Variants in EEFSEC observed in about 807,000 individuals in gnomAD.
EEFSEC encodes the protein selenocysteine-specific elongation factor.
Under a neutral mutation model 42.1 loss-of-function variants are expected in EEFSEC, and 43 were observed. The ratio of observed to expected loss-of-function variants is 1.02; its 90% CI spans 0.80 to 1.32. The LOEUF is 1.32. EEFSEC is among the 40% of genes most tolerant of loss of function. The pLI is 0.00. For synonymous variants in EEFSEC, 354 were observed against 339.1 expected (o/e 1.04, Z -0.48); for missense variants, 745 against 803.6 (o/e 0.93, Z 0.88).
intron 2 of EEFSEC, among the ~76,000 whole-genome samples, chr3:128,254,341 G>A (rs1483259316): frequency 3.3e-5 from 5 of 152,186 alleles, no homozygotes; most frequent in Non-Finnish European, 7.3e-5. Context: ...CATCATCTGT[G>A]GCTGTTGTGC....
At chr3:128,246,360 C>T (rs1242140261) in intron 1 of EEFSEC, among the ~76,000 whole-genome samples, 1 of 152,212 alleles carries the variant, frequency 6.6e-6, no homozygotes, top group Non-Finnish European at 1.5e-5. Context: ...AGATGCTGTC[C>T]ACTCCCTAAT....
At position 128,153,662 on chromosome 3, in the gene EEFSEC, G is replaced by T. The variant is rs748787702; in HGVS notation, c.155G>T (p.Gly52Val). The T allele has an allele frequency of 6.3e-7, 1 of 1,597,522 alleles. No individual in the cohort carries two copies. The highest frequency in any genetic ancestry group is 1.7e-5 in the Admixed American group (1 of 59,796). Residue 52 changes from glycine to valine, a missense_variant, in exon 1 of 7, where the codon GGC becomes GTC. Transcript: ENST00000254730. ...GAGCGCGGCATCACGCTCGATCTGG[G>T]CTTCTCGTGCTTCTCGGTGCCGCTG... is the stretch of plus-strand genomic sequence containing the variant. ...SRERGITLDL[G>V]FSCFSVPLPA...
intron 4 of EEFSEC, among the ~76,000 whole-genome samples, chr3:128,306,676 A>G (rs899418726): frequency 6.6e-6 from 1 of 152,242 alleles, no homozygotes; most frequent in Non-Finnish European, 1.5e-5. Context: ...TGGGTAGTTG[A>G]AAGTACCTAT....
At chr3:128,406,637 C>T (rs2068117079) in intron 6 of EEFSEC, among the ~76,000 whole-genome samples, 1 of 151,722 alleles carries the variant, frequency 6.6e-6, no homozygotes, top group South Asian at 2.1e-4. Context: ...ATGGCAAAAC[C>T]CCATCTCCAC....
intron 1 of EEFSEC, among the ~76,000 whole-genome samples, chr3:128,204,613 A>AAATAC (rs1187861398): frequency 6.6e-6 from 1 of 152,100 alleles, no homozygotes; most frequent in Non-Finnish European, 1.5e-5. Flanking sequence ...TCTTATTAAC[A>AAATAC]AATACGATGC....
At chr3:128,185,136 A>G (rs1394041290) in intron 1 of EEFSEC, among the ~76,000 whole-genome samples, 2 of 152,116 alleles carry the variant, frequency 1.3e-5, no homozygotes, top group African/African-American at 4.8e-5. Context: ...TGGATGCAAA[A>G]CCCCATCTGA....
chr3:128,185,319 A>C (rs1364886422), intron 1 of EEFSEC, among the ~76,000 whole-genome samples: 1 of 147,822 alleles, frequency 6.8e-6, no homozygotes, highest in African/African-American at 2.4e-5. Context: ...ATAACTTAAT[A>C]TTATGAAGCA....
At chr3:128,418,057 G>A in the EEFSEC span, among the ~76,000 whole-genome samples, 6 of 152,010 alleles carry the variant, frequency 3.9e-5, no homozygotes, top group South Asian at 2.1e-4. Flanking sequence ...CCCTTACCTC[G>A]GCATTCTGGA....
intron 1 of EEFSEC, among the ~76,000 whole-genome samples, chr3:128,217,530 TC>T (rs1398105397): frequency 6.6e-6 from 1 of 152,208 alleles, no homozygotes; most frequent in Non-Finnish European, 1.5e-5. Context: ...TTTAATGTGT[TC>T]ACGTGCACCT....
chr3:128,333,702 T>C (rs538455359), intron 4 of EEFSEC, among the ~76,000 whole-genome samples: 1 of 152,288 alleles, frequency 6.6e-6, no homozygotes, highest in East Asian at 1.9e-4. Flanking sequence ...GTGCCTACTA[T>C]TTCATGCAAG....
intron 4 of EEFSEC, among the ~76,000 whole-genome samples, chr3:128,334,220 C>T (rs752165134): frequency 2.0e-5 from 3 of 152,238 alleles, no homozygotes; most frequent in Non-Finnish European, 2.9e-5. Flanking sequence ...AAAGGGGGCT[C>T]ATCTTACTTG....
chr3:128,394,087 T>C (rs2067950340), intron 6 of EEFSEC, among the ~76,000 whole-genome samples: 1 of 152,214 alleles, frequency 6.6e-6, no homozygotes, highest in African/African-American at 2.4e-5. Flanking sequence ...AGGCCACCTC[T>C]GGGATCTGCC....
intron 5 of EEFSEC, among the ~76,000 whole-genome samples, chr3:128,354,610 G>T (rs1472726370): frequency 3.3e-5 from 5 of 152,164 alleles, no homozygotes; most frequent in Non-Finnish European, 5.9e-5. Context: ...TAACTTTGGG[G>T]TCATCTCTGT....
chr3:128,387,321 T>C (rs1258725899), intron 6 of EEFSEC, among the ~76,000 whole-genome samples: 1 of 152,210 alleles, frequency 6.6e-6, no homozygotes, highest in Non-Finnish European at 1.5e-5. Context: ...AATATCCACA[T>C]GTCCTGGCAG....
At chr3:128,263,957 C>A (rs2066324952) in intron 3 of EEFSEC, among the ~76,000 whole-genome samples, 1 of 152,158 alleles carries the variant, frequency 6.6e-6, no homozygotes, top group Admixed American at 6.5e-5. Context: ...GGCATGATGC[C>A]AGCTACTGGA....
At chr3:128,282,851 C>T (rs1214493683) in intron 4 of EEFSEC, among the ~76,000 whole-genome samples, 1 of 152,216 alleles carries the variant, frequency 6.6e-6, no homozygotes, top group Admixed American at 6.5e-5. Flanking sequence ...TGACTGATCT[C>T]CCGACTTCAC....
chr3:128,261,242 GT>G (rs1443309972), intron 2 of EEFSEC, among the ~76,000 whole-genome samples: 2 of 152,156 alleles, frequency 1.3e-5, no homozygotes, highest in East Asian at 3.9e-4. Context: ...GAGCAAATCA[GT>G]TAGACTCCCT....
downstream of EEFSEC, among the ~76,000 whole-genome samples, chr3:128,411,059 A>G (rs376248017): frequency 1.7e-3 from 255 of 152,296 alleles, no homozygotes; most frequent in Middle Eastern, 0.01. Flanking sequence ...AGAGGCCTCT[A>G]TCAGGCCCGG....
intron 2 of EEFSEC, among the ~76,000 whole-genome samples, chr3:128,256,458 A>G (rs539481075): frequency 6.6e-6 from 1 of 152,196 alleles, no homozygotes; most frequent in Non-Finnish European, 1.5e-5. Flanking sequence ...TAAAATCAAC[A>G]ATAAAAGCTG....
Sources: allele counts gnomAD v4.1 joint callset (sites outside exome capture counted in the v4.1 genomes callset), GRCh38; gene constraint gnomAD v4.1.1; transcripts MANE v1.5; gene names NCBI Gene and HGNC (gene_info 2026-07-23, HGNC 2026-07-21).